MAPK10: variants seen among roughly 807,000 people sequenced by gnomAD.
MAPK10 encodes mitogen-activated protein kinase 10.
In MAPK10, 25 loss-of-function variants were observed where a neutral mutation model predicts 59.3. That is an observed-to-expected ratio of 0.42 (90% confidence interval 0.31 to 0.59). The LOEUF (loss-of-function observed/expected upper bound fraction) is 0.59, where lower values mean the gene tolerates loss of function less well. Among genes scored for constraint, MAPK10 ranks in the 20% least tolerant of loss-of-function variants. The pLI is 0.15. For synonymous variants in MAPK10, 190 were observed against 200.5 expected (o/e 0.95, Z 0.44); for missense variants, 351 against 568.9 (o/e 0.62, Z 3.90).
chr4:86,298,274 A>G (rs1010707695), intron 2 of MAPK10, among the ~76,000 whole-genome samples: 2 of 152,206 alleles, frequency 1.3e-5, no homozygotes, highest in Non-Finnish European at 2.9e-5. Context: ...AGGGGCTATG[A>G]CAATATTAAT....
chr4:86,291,807 GT>G (rs1178619883), intron 2 of MAPK10, among the ~76,000 whole-genome samples: 1 of 152,124 alleles, frequency 6.6e-6, no homozygotes. Flanking sequence ...CATTTTGCAA[GT>G]GCTAATGCTA....
chr4:86,570,881 T>A (rs1033759009), intron 1 of MAPK10, among the ~76,000 whole-genome samples: 4 of 152,068 alleles, frequency 2.6e-5, no homozygotes, highest in Non-Finnish European at 5.9e-5. Context: ...CCATGGCCAG[T>A]TTGAGTCTTG....
intron 2 of MAPK10, among the ~76,000 whole-genome samples, chr4:86,206,397 A>C (rs1442435417): frequency 6.6e-6 from 1 of 152,006 alleles, no homozygotes; most frequent in South Asian, 2.1e-4. Flanking sequence ...ATGGCTGCAT[A>C]GTATTCCATG....
At chr4:86,245,311 A>AT (rs35547091) in intron 2 of MAPK10, among the ~76,000 whole-genome samples, 42,187 of 137,308 alleles carry the variant, frequency 0.31, 7,766 homozygotes, top group African/African-American at 0.52. Flanking sequence ...ACAAGTGCCA[A>AT]TTTTTTTTTT....
At chr4:86,486,147 G>T (rs80255995) in intron 1 of MAPK10, among the ~76,000 whole-genome samples, 1,576 of 152,262 alleles carry the variant, frequency 0.01, 21 homozygotes, top group African/African-American at 0.036. Context: ...TGGAAAGTTG[G>T]GTGTGGTGGT....
intron 2 of MAPK10, among the ~76,000 whole-genome samples, chr4:86,306,551 T>C (rs2095572047): frequency 6.6e-6 from 1 of 152,150 alleles, no homozygotes; most frequent in Non-Finnish European, 1.5e-5. Context: ...TTGCATCAGT[T>C]TAAGAATTCC....
intron 11 of MAPK10, among the ~76,000 whole-genome samples, chr4:86,048,520 TAAA>T (rs2042932178): frequency 6.6e-6 from 1 of 152,150 alleles, no homozygotes; most frequent in East Asian, 1.9e-4. Context: ...GTTAGTCTAT[TAAA>T]GCCACATGTC....
chr4:86,400,324 T>G (rs892782279), intron 1 of MAPK10, among the ~76,000 whole-genome samples: 5 of 152,164 alleles, frequency 3.3e-5, no homozygotes, highest in African/African-American at 1.2e-4. Context: ...TTTCTCAAGA[T>G]AAAGTGTCGT....
chr4:86,506,433 T>A (rs1392218048), intron 1 of MAPK10, among the ~76,000 whole-genome samples: 1 of 152,144 alleles, frequency 6.6e-6, no homozygotes, highest in Non-Finnish European at 1.5e-5. Flanking sequence ...CAACTGTGGT[T>A]TCTTCATTTA....
chr4:86,208,389 C>G (rs974120916), intron 2 of MAPK10, among the ~76,000 whole-genome samples: 1 of 148,388 alleles, frequency 6.7e-6, no homozygotes, highest in Non-Finnish European at 1.5e-5. Context: ...AGCTTATCCA[C>G]CATGATCAAG....
At chr4:86,064,718 C>G (rs2046386369) in intron 10 of MAPK10, 4 of 247,446 alleles carry the variant, frequency 1.6e-5, no homozygotes, top group Admixed American at 1.0e-4. Context: ...ATAGGATAAA[C>G]AGAATAAAGA....
intron 2 of MAPK10, among the ~76,000 whole-genome samples, chr4:86,279,074 C>A (rs1016189123): frequency 6.6e-6 from 1 of 151,924 alleles, no homozygotes; most frequent in Non-Finnish European, 1.5e-5. Context: ...AAAGTGTTAA[C>A]CTTTGGGGAA....
chr4:86,099,241 A>G (rs2054853671), intron 8 of MAPK10: 1 of 152,484 alleles, frequency 6.6e-6, no homozygotes, highest in South Asian at 2.1e-4. Context: ...AAATATTTCA[A>G]GAAAAAAGAC....
chr4:86,350,556 C>T (rs1730795990), intron 2 of MAPK10, among the ~76,000 whole-genome samples: 1 of 152,060 alleles, frequency 6.6e-6, no homozygotes, highest in South Asian at 2.1e-4. Context: ...ACCATGTTGG[C>T]CAGGCTGGTC....
intron 1 of MAPK10, among the ~76,000 whole-genome samples, chr4:86,396,827 T>A (rs992706370): frequency 1.3e-5 from 2 of 152,120 alleles, no homozygotes; most frequent in Non-Finnish European, 2.9e-5. Flanking sequence ...CCTAAACACC[T>A]CCTACTAAGC....
chr4:86,156,077 T>C (rs554738739), intron 4 of MAPK10, among the ~76,000 whole-genome samples: 4 of 152,214 alleles, frequency 2.6e-5, no homozygotes, highest in Non-Finnish European at 5.9e-5. Flanking sequence ...TCTGGAATTT[T>C]TCATTTAATA....
intron 3 of MAPK10, chr4:86,164,430 A>G (rs1381326232): frequency 6.6e-6 from 1 of 152,170 alleles, no homozygotes; most frequent in Non-Finnish European, 1.5e-5. Context: ...AATAATAACA[A>G]CAACAAAACC....
intron 5 of MAPK10, 37 bp downstream of exon 5, chr4:86,107,184 AAC>A: frequency 6.5e-7 from 1 of 1,545,536 alleles, no homozygotes; most frequent in South Asian, 1.2e-5. Context: ...CAATCTTACA[AAC>A]TCCCACTGCC....
chr4:86,220,981 C>G (rs766847230), intron 2 of MAPK10, among the ~76,000 whole-genome samples: 12 of 151,824 alleles, frequency 7.9e-5, no homozygotes, highest in East Asian at 1.9e-4. Flanking sequence ...TCATTTTCCT[C>G]TCCAATGAAC....
Sources: allele counts gnomAD v4.1 joint callset (sites outside exome capture counted in the v4.1 genomes callset), GRCh38; gene constraint gnomAD v4.1.1; transcripts MANE v1.5; gene names NCBI Gene and HGNC (gene_info 2026-07-23, HGNC 2026-07-21).